ADGRL2: variants seen among roughly 807,000 people sequenced by gnomAD.
The protein encoded by ADGRL2 is adhesion G protein-coupled receptor L2.
ADGRL2 carries 44 observed loss-of-function variants against 157.4 expected under a neutral mutation model. The ratio of observed to expected loss-of-function variants is 0.28; its 90% CI spans 0.22 to 0.36. The LOEUF is 0.36. ADGRL2 is among the 10% of genes least tolerant of loss of function. The pLI is 1.00. For missense variants in ADGRL2, 1,510 were observed against 1,768.9 expected, an observed-to-expected ratio of 0.85 and a Z score of 2.63; for synonymous variants, 585 against 624.7, an observed-to-expected ratio of 0.94 and a Z score of 0.95.
rs185203825 is a variant in ADGRL2 at position 81,388,817 on chromosome 1, C to T, written c.-301-56219C>T. On this transcript the variant is annotated intron_variant, in intron 1 of 24. Coordinates refer to the ADGRL2 transcript ENST00000370721. ...TTCAATGCATCCCAAATAAACCAAG[C>T]GATACTCAATGCAATCCTCTGTAAG... 1.5e-3 allele frequency among the ~76,000 whole-genome samples: 228 copies of T among 152,146 alleles called. 2 individuals are homozygous for T. Among genetic ancestry groups the T allele is most frequent in the Admixed American group, 2.1e-3 (32 of 15,276 alleles).
chr1:81,955,739 G>C (rs1470713651), intron 10 of ADGRL2, 138 bp from the exon 11 acceptor site: 1 of 567,338 alleles, frequency 1.8e-6, no homozygotes, highest in South Asian at 2.7e-5. Flanking sequence ...GATATATGTT[G>C]TCTAGGTGTT....
At chr1:81,429,205 G>A (rs1025480915) in intron 1 of ADGRL2, among the ~76,000 whole-genome samples, 7 of 151,322 alleles carry the variant, frequency 4.6e-5, no homozygotes, top group Admixed American at 1.3e-4. Context: ...TGACTTCCTA[G>A]TTTTCCCACT....
intron 1 of ADGRL2, among the ~76,000 whole-genome samples, chr1:81,338,384 C>CACAAA (rs1661808405): frequency 1.3e-5 from 2 of 151,760 alleles, no homozygotes; most frequent in African/African-American, 4.8e-5. Flanking sequence ...CAAAACAAAA[C>CACAAA]ACAAAACAAA....
chr1:81,700,107 C>T (rs9324181), intron 1 of ADGRL2, among the ~76,000 whole-genome samples: 19,542 of 152,188 alleles, frequency 0.13, 1,678 homozygotes, highest in Middle Eastern at 0.2. Flanking sequence ...AGCTCATCTC[C>T]CGAGGCCCTA....
intron 2 of ADGRL2, among the ~76,000 whole-genome samples, chr1:81,473,330 C>A (rs1340844409): frequency 1.3e-5 from 2 of 152,112 alleles, no homozygotes; most frequent in Non-Finnish European, 2.9e-5. Context: ...AGGCCTTTGG[C>A]ACAAGAGTCT....
chr1:81,483,315 A>G (rs572128309), intron 2 of ADGRL2, among the ~76,000 whole-genome samples: 3 of 152,324 alleles, frequency 2.0e-5, no homozygotes, highest in East Asian at 1.9e-4. Flanking sequence ...TAAGAAGATA[A>G]GAGAGATGAA....
intron 1 of ADGRL2, among the ~76,000 whole-genome samples, chr1:81,438,433 G>A (rs1384648791): frequency 1.3e-5 from 2 of 152,068 alleles, no homozygotes; most frequent in Non-Finnish European, 2.9e-5. Context: ...GTGTTGCTGA[G>A]GGTGTTTTTA....
At position 81,802,783 on chromosome 1, in the gene ADGRL2, G is replaced by C. The variant is rs903335052; in HGVS notation, c.-101+1715G>C. Among the ~76,000 whole-genome samples the C allele has an allele frequency of 2.6e-5, 4 of 152,302 alleles. No individual in the cohort carries two copies. The East Asian group carries it at 5.8e-4, about 22-fold the overall frequency. ...AGCGGCTGGAGCGAGTTCGGGGGAA[G>C]TGGACGGTGGGGGAGGGCTTGGACG... On this transcript the variant is annotated intron_variant, in intron 1 of 23. Coordinates refer to ENST00000686636, the MANE Select transcript of ADGRL2 (RefSeq NM_001366006.2).
rs549422476 is a variant in ADGRL2 at position 81,416,662 on chromosome 1, T to C, written c.-301-28374T>C. Among the ~76,000 whole-genome samples, 10 of 152,346 alleles carry C rather than the reference T, an allele frequency of 6.6e-5. No homozygotes were observed. In the South Asian group the frequency reaches 2.1e-3, roughly 32 times the overall value. ...TTCATTCATCTAACATATATATTGG[T>C]TGAATGTCTATCATGTATAAGATAA... is the stretch of plus-strand genomic sequence containing the variant. On this transcript the variant is annotated intron_variant, in intron 1 of 24. Transcript: ENST00000370721.
chr1:81,346,339 C>A (rs1662480338), intron 1 of ADGRL2, among the ~76,000 whole-genome samples: 1 of 152,170 alleles, frequency 6.6e-6, no homozygotes, highest in Non-Finnish European at 1.5e-5. Context: ...GCATTATAAT[C>A]TCATAATCAG....
At chr1:81,706,434 G>A (rs61773244) in intron 1 of ADGRL2, among the ~76,000 whole-genome samples, 10 of 151,992 alleles carry the variant, frequency 6.6e-5, no homozygotes, top group South Asian at 2.1e-4. Context: ...GGAAGATATC[G>A]AATCCAATTT....
intron 3 of ADGRL2, among the ~76,000 whole-genome samples, chr1:81,658,562 C>T (rs2148869710): frequency 6.6e-6 from 1 of 152,226 alleles, no homozygotes; most frequent in South Asian, 2.1e-4. Flanking sequence ...CCGTCATTCC[C>T]CTCCCACCTT....
At chr1:81,792,207 G>A (rs1008225146) in intron 2 of ADGRL2, among the ~76,000 whole-genome samples, 2 of 152,016 alleles carry the variant, frequency 1.3e-5, no homozygotes, top group Non-Finnish European at 2.9e-5. Flanking sequence ...CAGTAAAAAC[G>A]CAAAATTAAA....
intron 1 of ADGRL2, among the ~76,000 whole-genome samples, chr1:81,317,987 A>G (rs1046941161): frequency 2.0e-5 from 3 of 152,260 alleles, no homozygotes; most frequent in African/African-American, 7.2e-5. Flanking sequence ...ACATAACCAA[A>G]TAAAGCATCT....
chr1:81,568,758 T>C (rs534655122), intron 2 of ADGRL2, among the ~76,000 whole-genome samples: 2 of 152,284 alleles, frequency 1.3e-5, no homozygotes, highest in East Asian at 3.9e-4. Context: ...ATAAGTATGG[T>C]TTAGGCTTTA....
At chr1:81,543,472 C>T (rs1277223170) in intron 2 of ADGRL2, among the ~76,000 whole-genome samples, 1 of 152,200 alleles carries the variant, frequency 6.6e-6, no homozygotes, top group Non-Finnish European at 1.5e-5. Context: ...TTATAAGCCA[C>T]CCATTTACAG....
intron 3 of ADGRL2, among the ~76,000 whole-genome samples, chr1:81,649,400 G>C (rs1225656005): frequency 6.6e-6 from 1 of 152,148 alleles, no homozygotes; most frequent in Non-Finnish European, 1.5e-5. Context: ...CATTTTAAAA[G>C]GTCTGTTATC....
At chr1:81,409,420 A>G (rs2076912042) in intron 1 of ADGRL2, among the ~76,000 whole-genome samples, 1 of 152,216 alleles carries the variant, frequency 6.6e-6, no homozygotes. Context: ...TGGGTTAGGC[A>G]GCTACAGTAT....
chr1:81,913,929 C>T (rs1393268101), intron 3 of ADGRL2, among the ~76,000 whole-genome samples: 4 of 151,826 alleles, frequency 2.6e-5, no homozygotes, highest in African/African-American at 9.7e-5. Context: ...CTATTATTTT[C>T]AAATATACTA....
Sources: allele counts gnomAD v4.1 joint callset (sites outside exome capture counted in the v4.1 genomes callset), GRCh38; gene constraint gnomAD v4.1.1; transcripts MANE v1.5; gene names NCBI Gene and HGNC (gene_info 2026-07-23, HGNC 2026-07-21).